ALLC: variants seen among roughly 807,000 people sequenced by gnomAD.
The protein encoded by ALLC is allantoicase, also known as probable inactive allantoicase.
In ALLC, 40 loss-of-function variants were observed where a neutral mutation model predicts 45.0. That is an observed-to-expected ratio of 0.89 (90% confidence interval 0.69 to 1.16). The LOEUF is 1.16. Among genes scored for constraint, ALLC ranks in the 50% most tolerant of loss-of-function variants. ALLC has a pLI of 0.00. For missense variants in ALLC, 488 were observed against 493.1 expected (o/e 0.99, Z 0.10); for synonymous variants, 176 against 178.1 (o/e 0.99, Z 0.09).
At chr2:3,667,888 C>T (rs996583790) in intron 1 of ALLC, among the ~76,000 whole-genome samples, 3 of 152,342 alleles carry the variant, frequency 2.0e-5, no homozygotes, top group Admixed American at 2.0e-4. Flanking sequence ...CCTCAGCCTC[C>T]CGAGTAGCTG....
intron 7 of ALLC, among the ~76,000 whole-genome samples, chr2:3,694,266 A>G (rs961355259): frequency 6.6e-6 from 1 of 152,180 alleles, no homozygotes; most frequent in African/African-American, 2.4e-5. Flanking sequence ...CCTGAAGAGG[A>G]GAGATGGGCA....
chr2:3,676,163 A>G (rs1409328732), intron 3 of ALLC, among the ~76,000 whole-genome samples: 1 of 152,262 alleles, frequency 6.6e-6, no homozygotes, highest in Non-Finnish European at 1.5e-5. Flanking sequence ...TCTGTTGCAG[A>G]GAATTCTTCT....
chr2:3,684,158 G>A (rs1161945325), intron 7 of ALLC, among the ~76,000 whole-genome samples: 1 of 152,110 alleles, frequency 6.6e-6, no homozygotes, highest in African/African-American at 2.4e-5. Flanking sequence ...ACTGTTTGAA[G>A]AATTACTAGG....
intron 1 of ALLC, 50 bp from the exon 2 acceptor site, chr2:3,671,042 CCTCA>C (rs1177941289): frequency 6.7e-6 from 7 of 1,037,314 alleles, no homozygotes; most frequent in Non-Finnish European, 1.0e-5. Context: ...CTAGACGGGG[CCTCA>C]CTCACTCCCG....
chr2:3,657,756 A>G (rs1666474959), upstream of ALLC, among the ~76,000 whole-genome samples: 1 of 152,016 alleles, frequency 6.6e-6, no homozygotes. Context: ...GGGCTTCTTT[A>G]AATTCCATGA....
At chr2:3,695,174 C>T (rs767863574) in intron 7 of ALLC, 1 of 153,718 alleles carries the variant, frequency 6.5e-6, no homozygotes, top group Admixed American at 6.4e-5. Context: ...TGGAGTTGTT[C>T]ATTTAATGAA....
intron 3 of ALLC, among the ~76,000 whole-genome samples, chr2:3,676,155 T>G (rs1352924065): frequency 6.6e-6 from 1 of 152,274 alleles, no homozygotes; most frequent in Non-Finnish European, 1.5e-5. Flanking sequence ...ACATTCAGTC[T>G]GTTGCAGAGA....
At chr2:3,657,332 C>T (rs964218349), upstream of ALLC, among the ~76,000 whole-genome samples, 1 of 152,098 alleles carries the variant, frequency 6.6e-6, no homozygotes, top group Non-Finnish European at 1.5e-5. Context: ...AGGAGAAGGC[C>T]GGTCAGGCCC....
chr2:3,680,560 C>T lies in ALLC; in HGVS notation c.298+566C>T, dbSNP rs1667150221. Among the ~76,000 whole-genome samples, 1 of 152,272 alleles carries T rather than the reference C, an allele frequency of 6.6e-6. No individual in the cohort carries two copies. The highest frequency in any genetic ancestry group is 3.4e-3 in the Middle Eastern group (1 of 294). On this transcript the variant is annotated intron_variant, in intron 5 of 11. Transcript: ENST00000252505. The surrounding 1 kb of genome is among the most constrained non-coding windows in gnomAD (Gnocchi z 4.0). ...TCAGGTGCTGAAGAAGCCAAGAAACCAAAGAAAGAGGCTGACAAATCCAGT... is the reference window on the plus strand; with the variant it reads ...TCAGGTGCTGAAGAAGCCAAGAAACTAAAGAAAGAGGCTGACAAATCCAGT...
At chr2:3,671,561 C>G (rs1471002509) in intron 2 of ALLC, among the ~76,000 whole-genome samples, 1 of 150,626 alleles carries the variant, frequency 6.6e-6, no homozygotes, top group Non-Finnish European at 1.5e-5. Flanking sequence ...AGGAGGTCCT[C>G]TGGCTCTGGT....
chr2:3,676,151 A>G (rs1667020306), intron 3 of ALLC, among the ~76,000 whole-genome samples: 2 of 152,280 alleles, frequency 1.3e-5, no homozygotes, highest in African/African-American at 4.8e-5. Context: ...ACAAACATTC[A>G]GTCTGTTGCA....
rs376380795 is a variant in ALLC, at chr2:3,701,540, T to C, written c.879T>C (p.Asp293=). 86 of 1,593,416 alleles carry C rather than the reference T, an allele frequency of 5.4e-5. No individual in the cohort carries two copies. Among genetic ancestry groups the C allele is most frequent in the Middle Eastern group, 1.7e-4 (1 of 6,058 alleles). The change falls in exon 11 of 12, where the codon GAT becomes GAC. Residue 293 remains aspartate, a synonymous_variant. Transcript: ENST00000252505. ...ATGCTCCTGACAGCTGTAAAGTGGATGGGTGCATCCTGACAACTCAGGAAG... is the reference window on the plus strand; with the variant it reads ...ATGCTCCTGACAGCTGTAAAGTGGACGGGTGCATCCTGACAACTCAGGAAG... The part of the protein sequence containing the change: ...EGNAPDSCKV[D]GCILTTQEEE...
chr2:3,687,733 T>C (rs2148012626), intron 7 of ALLC, among the ~76,000 whole-genome samples: 1 of 151,272 alleles, frequency 6.6e-6, no homozygotes, highest in South Asian at 2.1e-4. Flanking sequence ...TATGTAGTTG[T>C]TCATAATAGT....
In ALLC at chr2:3,696,346, G is replaced by C. The variant is rs1667672643; in HGVS notation, c.739G>C (p.Glu247Gln). The C allele has an allele frequency of 1.2e-6, 2 of 1,608,920 alleles. No homozygotes were observed. Among genetic ancestry groups the C allele is most frequent in the South Asian group, 2.2e-5 (2 of 89,608 alleles). ...ARRLDRPPILENDENGILLVP... is the reference protein window; with the variant it reads ...ARRLDRPPILQNDENGILLVP... ...AAGGCTGGACCGGCCACCAATATTA[G>C]AAGTAAGAAGTTAAAAATAACTATG... is the stretch of plus-strand genomic sequence containing the variant. Residue 247 changes from glutamate (E) to glutamine (Q), a missense_variant and splice_region_variant, in exon 9 of 12, where the codon GAA (glutamate) becomes CAA (glutamine). Coordinates refer to ENST00000252505, the MANE Select transcript of ALLC (RefSeq NM_018436.4).
At chr2:3,698,446 G>T (rs912841362) in intron 10 of ALLC, among the ~76,000 whole-genome samples, 1 of 152,206 alleles carries the variant, frequency 6.6e-6, no homozygotes, top group Non-Finnish European at 1.5e-5. Flanking sequence ...AGGGTCCTAA[G>T]CAGATTGACC....
At chr2:3,652,169 C>G in the ALLC span, among the ~76,000 whole-genome samples, 1 of 152,254 alleles carries the variant, frequency 6.6e-6, no homozygotes, top group Non-Finnish European at 1.5e-5. Context: ...GATTGTGCCG[C>G]CCACCACGAC....
At chr2:3,691,957 T>TA (rs1432821812) in intron 7 of ALLC, among the ~76,000 whole-genome samples, 3 of 152,228 alleles carry the variant, frequency 2.0e-5, no homozygotes, top group Non-Finnish European at 2.9e-5. Flanking sequence ...TGTTTGATTT[T>TA]AAAAAATTAT....
At chr2:3,684,411 T>G (rs551681479) in intron 7 of ALLC, among the ~76,000 whole-genome samples, 1 of 152,226 alleles carries the variant, frequency 6.6e-6, no homozygotes, top group Non-Finnish European at 1.5e-5. Flanking sequence ...TCTTCAGATC[T>G]CTATTCACTT....
At chr2:3,698,691 C>T (rs567647722) in intron 10 of ALLC, among the ~76,000 whole-genome samples, 17 of 152,260 alleles carry the variant, frequency 1.1e-4, no homozygotes, top group East Asian at 1.9e-4. Flanking sequence ...GAGTATTCCA[C>T]GTTAGCCATC....
Sources: gnomAD v4.1 joint callset for allele counts (sites outside exome capture counted in the v4.1 genomes callset) on GRCh38, gnomAD v4.1.1 for gene constraint, Gnocchi (gnomAD v3.1) non-coding constraint, MANE v1.5 for transcripts, NCBI Gene and HGNC (gene_info 2026-07-23, HGNC 2026-07-21) for gene names.